The following CPPED1 variants were observed in gnomAD, a reference collection of about 807,000 sequenced individuals.
CPPED1 encodes the protein serine/threonine-protein phosphatase CPPED1.
CPPED1 carries 28 observed loss-of-function variants against 28.0 expected under a neutral mutation model. The ratio of observed to expected loss-of-function variants is 1.00; its 90% CI spans 0.74 to 1.37. CPPED1 has a LOEUF of 1.37. Ranked by LOEUF, CPPED1 falls within the 40% of genes most tolerant of loss-of-function variation. CPPED1 has a pLI of 0.00. For missense variants in CPPED1, 504 were observed against 416.5 expected (o/e 1.21, Z -1.83); for synonymous variants, 198 against 180.2 (o/e 1.10, Z -0.79).
chr16:12,677,940 A>G (rs1320835278), intron 3 of CPPED1, among the ~76,000 whole-genome samples: 1 of 152,226 alleles, frequency 6.6e-6, no homozygotes, highest in East Asian at 1.9e-4. Flanking sequence ...CTTCCTTTGT[A>G]GCGTGAAAAC....
At chr16:12,683,799 G>C (rs955193730) in intron 3 of CPPED1, among the ~76,000 whole-genome samples, 2 of 152,188 alleles carry the variant, frequency 1.3e-5, no homozygotes, top group Non-Finnish European at 2.9e-5. Flanking sequence ...GCTTAAAAAA[G>C]TAAAGGCTGT....
At chr16:12,701,708 G>C (rs1596451888) in intron 3 of CPPED1, among the ~76,000 whole-genome samples, 1 of 152,292 alleles carries the variant, frequency 6.6e-6, no homozygotes, top group Non-Finnish European at 1.5e-5. Context: ...TTGCTGTTAG[G>C]TGCAGAATGA....
chr16:12,758,257 A>G (rs974162049), intron 2 of CPPED1, among the ~76,000 whole-genome samples: 1 of 152,156 alleles, frequency 6.6e-6, no homozygotes, highest in African/African-American at 2.4e-5. Flanking sequence ...GAATACAGAT[A>G]TCATCGCCCC....
chr16:12,789,952 T>C (rs1272611595), intron 1 of CPPED1, among the ~76,000 whole-genome samples: 1 of 152,204 alleles, frequency 6.6e-6, no homozygotes, highest in African/African-American at 2.4e-5. Flanking sequence ...CACTTCCACA[T>C]TTCGGCTAAC....
intron 3 of CPPED1, among the ~76,000 whole-genome samples, chr16:12,672,703 T>C (rs2079858643): frequency 6.6e-6 from 1 of 152,202 alleles, no homozygotes; most frequent in Non-Finnish European, 1.5e-5. Context: ...TTCTCTCTTA[T>C]TACAGTAGTG....
intron 2 of CPPED1, among the ~76,000 whole-genome samples, chr16:12,744,825 A>C (rs995948697): frequency 1.3e-5 from 2 of 152,162 alleles, no homozygotes; most frequent in Non-Finnish European, 2.9e-5. Context: ...CTCCACAAAA[A>C]ATACAAAAAT....
At chr16:12,706,330 C>T (rs998970996) in intron 2 of CPPED1, among the ~76,000 whole-genome samples, 3 of 151,470 alleles carry the variant, frequency 2.0e-5, no homozygotes, top group Non-Finnish European at 2.9e-5. Flanking sequence ...GAGTCTTACA[C>T]TTGGTTTAAA....
chr16:12,683,661 G>T (rs1050623055), intron 3 of CPPED1, among the ~76,000 whole-genome samples: 1 of 152,010 alleles, frequency 6.6e-6, no homozygotes, highest in East Asian at 1.9e-4. Context: ...CCCTTCCTCC[G>T]CCTGGTCCAT....
chr16:12,714,153 A>G (rs1442998735), intron 2 of CPPED1, among the ~76,000 whole-genome samples: 2 of 152,212 alleles, frequency 1.3e-5, no homozygotes, highest in Non-Finnish European at 2.9e-5. Flanking sequence ...GTATGAATAT[A>G]TCATCATATT....
chr16:12,800,335 G>A (rs929700354), intron 1 of CPPED1, among the ~76,000 whole-genome samples: 1 of 151,904 alleles, frequency 6.6e-6, no homozygotes, highest in Non-Finnish European at 1.5e-5. Context: ...CTACTCGGGA[G>A]GCTGAAGCAG....
intron 3 of CPPED1, among the ~76,000 whole-genome samples, chr16:12,698,719 C>T (rs9934857): frequency 0.045 from 6,807 of 152,304 alleles, 535 homozygotes; most frequent in African/African-American, 0.16. Context: ...GTGTGAGCCA[C>T]TGCACCTGCC....
At chr16:12,730,831 C>T (rs2080193310) in intron 2 of CPPED1, among the ~76,000 whole-genome samples, 1 of 152,192 alleles carries the variant, frequency 6.6e-6, no homozygotes, top group African/African-American at 2.4e-5. Flanking sequence ...CACATCTCAA[C>T]TCGAGTGGTG....
At chr16:12,720,611 CTGAG>C (rs1193884950) in intron 2 of CPPED1, among the ~76,000 whole-genome samples, 7 of 152,308 alleles carry the variant, frequency 4.6e-5, no homozygotes, top group African/African-American at 1.7e-4. Flanking sequence ...ACTCAGCCTC[CTGAG>C]TATCTGGTAC....
intron 3 of CPPED1, among the ~76,000 whole-genome samples, chr16:12,676,976 TC>T (rs1173792613): frequency 6.6e-6 from 1 of 152,086 alleles, no homozygotes; most frequent in African/African-American, 2.4e-5. Context: ...CAGGAGTCTG[TC>T]CCCAGAGTCA....
In CPPED1 at chr16:12,771,086, G is replaced by A. The variant is rs541196676; in HGVS notation, c.289+10099C>T. Among the ~76,000 whole-genome samples, 80 of 152,182 alleles carry A rather than the reference G, an allele frequency of 5.3e-4. 1 individual carries two copies. Among genetic ancestry groups the A allele is most frequent in the East Asian group, 3.9e-3 (20 of 5,180 alleles). ...TAATAAAGTAACAATAAAAAGATCC[G>A]TATCTACCCTCATTTAAATCCTACA... On this transcript the variant is annotated intron_variant, in intron 2 of 3. Transcript: ENST00000381774.
intron 2 of CPPED1, among the ~76,000 whole-genome samples, chr16:12,726,304 T>G (rs1038116923): frequency 6.7e-6 from 1 of 148,526 alleles, no homozygotes; most frequent in Non-Finnish European, 1.5e-5. Context: ...CCTCCCAAAG[T>G]GCTGGGATAA....
intron 2 of CPPED1, among the ~76,000 whole-genome samples, chr16:12,775,696 A>C (rs1016149854): frequency 6.6e-6 from 1 of 152,160 alleles, no homozygotes; most frequent in African/African-American, 2.4e-5. Flanking sequence ...TCTGGGCACC[A>C]CCTTCTGTCT....
chr16:12,764,072 T>A (rs537020645), intron 2 of CPPED1, among the ~76,000 whole-genome samples: 1 of 151,600 alleles, frequency 6.6e-6, no homozygotes, highest in South Asian at 2.1e-4. Flanking sequence ...CATGCAAGTG[T>A]ACCCATACTT....
chr16:12,740,791 G>T (rs1017658005), intron 2 of CPPED1, among the ~76,000 whole-genome samples: 7 of 152,204 alleles, frequency 4.6e-5, no homozygotes, highest in Admixed American at 1.3e-4. Context: ...TGGCAGGAAA[G>T]GAGAGCACAG....
Sources: gnomAD v4.1 joint callset for allele counts (sites outside exome capture counted in the v4.1 genomes callset) on GRCh38, gnomAD v4.1.1 for gene constraint, MANE v1.5 for transcripts, NCBI Gene and HGNC (gene_info 2026-07-23, HGNC 2026-07-21) for gene names.